The following NALCN variants were observed in gnomAD, a reference collection of about 807,000 sequenced individuals.
The protein encoded by NALCN is sodium leak channel NALCN.
NALCN carries 111 observed loss-of-function variants against 225.3 expected under a neutral mutation model. That is an observed-to-expected ratio of 0.49 (90% confidence interval 0.42 to 0.58). NALCN has a LOEUF of 0.58. NALCN is among the 20% of genes least tolerant of loss of function. The pLI is 0.00. For missense variants in NALCN, 1,378 were observed against 2,202.4 expected, an observed-to-expected ratio of 0.63 and a Z score of 7.49; for synonymous variants, 764 against 769.0, an observed-to-expected ratio of 0.99 and a Z score of 0.11.
intron 11 of NALCN, among the ~76,000 whole-genome samples, chr13:101,255,330 C>T (rs2042195889): frequency 6.6e-6 from 1 of 152,188 alleles, no homozygotes; most frequent in African/African-American, 2.4e-5. Flanking sequence ...AGGAAAGGAT[C>T]AATTCTGTAC....
chr13:101,088,327 CA>C (rs2034033644), intron 30 of NALCN, among the ~76,000 whole-genome samples: 1 of 152,090 alleles, frequency 6.6e-6, no homozygotes, highest in South Asian at 2.1e-4. Flanking sequence ...CCATGTGTAG[CA>C]ACACAAACTG....
At chr13:101,297,021 C>A (rs1281447146) in intron 7 of NALCN, among the ~76,000 whole-genome samples, 1 of 152,056 alleles carries the variant, frequency 6.6e-6, no homozygotes, top group Non-Finnish European at 1.5e-5. Flanking sequence ...TTTTGATTAC[C>A]TTTAGGATTT....
At chr13:101,103,069 A>C in intron 26 of NALCN, 103 bp downstream of exon 26, 1 of 1,404,030 alleles carries the variant, frequency 7.1e-7, no homozygotes, top group Admixed American at 2.2e-5. Flanking sequence ...GCAATAACCA[A>C]AACTATTGAA....
At chr13:101,177,219 T>C (rs896719042) in intron 14 of NALCN, among the ~76,000 whole-genome samples, 3 of 152,124 alleles carry the variant, frequency 2.0e-5, no homozygotes, top group African/African-American at 7.2e-5. Flanking sequence ...TGCAACCTCA[T>C]GACACTTTGA....
At chr13:101,159,339 A>T (rs2038051474) in intron 15 of NALCN, among the ~76,000 whole-genome samples, 1 of 152,186 alleles carries the variant, frequency 6.6e-6, no homozygotes, top group Non-Finnish European at 1.5e-5. Context: ...CTGTGACCCC[A>T]GCTCTAGTGC....
intron 9 of NALCN, among the ~76,000 whole-genome samples, chr13:101,290,797 T>C (rs2043524148): frequency 6.6e-6 from 1 of 152,238 alleles, no homozygotes; most frequent in Non-Finnish European, 1.5e-5. Context: ...GATACCTTTG[T>C]CTTAACAGTA....
rs1319662104 is a variant in NALCN, at chr13:101,053,885, T to C, written c.*1410A>G. On this transcript the variant is annotated 3_prime_UTR_variant, in exon 44 of 44. Coordinates refer to ENST00000251127, the MANE Select transcript of NALCN (RefSeq NM_052867.4). Reference sequence around the variant, plus strand: ...TGGCCACATGACTGGTTGTTCTTTATCTCATAGTTACAATGAATCATATAA... The same window carrying C: ...TGGCCACATGACTGGTTGTTCTTTACCTCATAGTTACAATGAATCATATAA... The C allele has an allele frequency of 1.3e-5, 2 of 152,198 alleles. No individual in the cohort carries two copies. The highest frequency in any genetic ancestry group is 4.8e-5 in the African/African-American group (2 of 41,442). The allele number at this position is 152,198 out of a possible 1,614,324, so 9.4% of individuals were successfully genotyped here. A position where few individuals can be genotyped will look rare whatever the true frequency, so the allele number is the denominator to read the frequency against.
At chr13:101,371,639 C>T (rs1363997747) in intron 6 of NALCN, among the ~76,000 whole-genome samples, 1 of 152,154 alleles carries the variant, frequency 6.6e-6, no homozygotes, top group Non-Finnish European at 1.5e-5. Flanking sequence ...ATGTTGTATG[C>T]CACGCACTGA....
At chr13:101,240,419 G>T (rs187035057) in intron 11 of NALCN, among the ~76,000 whole-genome samples, 6 of 151,114 alleles carry the variant, frequency 4.0e-5, no homozygotes, top group African/African-American at 1.5e-4. Context: ...GGGAAGAAAA[G>T]CTATTGATTT....
intron 28 of NALCN, among the ~76,000 whole-genome samples, chr13:101,091,198 T>A (rs2139556875): frequency 6.6e-6 from 1 of 152,284 alleles, no homozygotes; most frequent in South Asian, 2.1e-4. Context: ...CTATATTTCT[T>A]GAATTTAATG....
rs1566794334 is a variant in NALCN at position 101,083,125 on chromosome 13, G to A, written c.3657C>T (p.Leu1219=). ...HPFFKRTIAL[L]VLAQSVLLSV... Reference sequence around the variant, plus strand: ...AGAGCAACACCGACTGGGCCAGGACGAGTAATGCGATTGTCCTCTTAAAAA... The same window carrying A: ...AGAGCAACACCGACTGGGCCAGGACAAGTAATGCGATTGTCCTCTTAAAAA... Residue 1219 remains leucine (L), a synonymous_variant, in exon 32 of 44, where the codon CTC becomes CTT. Coordinates refer to ENST00000251127, the MANE Select transcript of NALCN (RefSeq NM_052867.4). 1.9e-6 allele frequency: 3 copies of A among 1,614,002 alleles called. No individual in the cohort carries two copies. Among genetic ancestry groups the A allele is most frequent in the Non-Finnish European group, 8.5e-7 (1 of 1,179,986 alleles).
At chr13:101,096,041 A>G (rs1481118850) in intron 27 of NALCN, among the ~76,000 whole-genome samples, 2 of 152,114 alleles carry the variant, frequency 1.3e-5, no homozygotes, top group East Asian at 3.9e-4. Context: ...GAAAGCCATA[A>G]CCAAAAAGTC....
chr13:101,385,439 T>TAA (rs11369982), intron 3 of NALCN, among the ~76,000 whole-genome samples: 2 of 150,750 alleles, frequency 1.3e-5, no homozygotes, highest in African/African-American at 4.9e-5. Context: ...AGCCCTTTCA[T>TAA]AAAAAAAAAG....
chr13:101,309,127 T>G (rs1190998881), intron 7 of NALCN, among the ~76,000 whole-genome samples: 1 of 152,198 alleles, frequency 6.6e-6, no homozygotes, highest in African/African-American at 2.4e-5. Context: ...AAAAGCATTA[T>G]ACTTTAATTT....
At chr13:101,266,759 A>G (rs1240221070) in intron 10 of NALCN, among the ~76,000 whole-genome samples, 8 of 152,250 alleles carry the variant, frequency 5.3e-5, no homozygotes, top group Non-Finnish European at 8.8e-5. Flanking sequence ...CAAGGACACA[A>G]TGTAAAAGAC....
At chr13:101,092,166 A>G (rs1350895621) in intron 28 of NALCN, among the ~76,000 whole-genome samples, 1 of 152,140 alleles carries the variant, frequency 6.6e-6, no homozygotes, top group East Asian at 1.9e-4. Context: ...TGCCTGTCCA[A>G]TTCAGAAAAC....
At chr13:101,213,746 G>A (rs1594450404) in intron 13 of NALCN, among the ~76,000 whole-genome samples, 2 of 152,150 alleles carry the variant, frequency 1.3e-5, no homozygotes, top group African/African-American at 4.8e-5. Flanking sequence ...ACAATGAGAT[G>A]CCATCTCACA....
At chr13:101,366,375 C>G (rs1202599883) in intron 6 of NALCN, among the ~76,000 whole-genome samples, 4 of 152,086 alleles carry the variant, frequency 2.6e-5, no homozygotes, top group African/African-American at 9.7e-5. Context: ...ATATTAAACA[C>G]AATCAGTTCT....
At chr13:101,222,952 A>G (rs1162633746) in intron 13 of NALCN, among the ~76,000 whole-genome samples, 1 of 152,140 alleles carries the variant, frequency 6.6e-6, no homozygotes, top group African/African-American at 2.4e-5. Flanking sequence ...TGGGCAAAAC[A>G]TGTCTCAACC....
Sources: gnomAD v4.1 joint callset for allele counts (sites outside exome capture counted in the v4.1 genomes callset) on GRCh38, gnomAD v4.1.1 for gene constraint, MANE v1.5 for transcripts, NCBI Gene and HGNC (gene_info 2026-07-23, HGNC 2026-07-21) for gene names.